The following SRGAP3 variants were observed in gnomAD, a reference collection of about 807,000 sequenced individuals.
SRGAP3 encodes SLIT-ROBO Rho GTPase activating protein 3, also known as SLIT-ROBO Rho GTPase-activating protein 3.
SRGAP3 carries 39 observed loss-of-function variants against 121.1 expected under a neutral mutation model. The observed-to-expected ratio is 0.32, with a 90% CI of 0.25 to 0.42. The LOEUF (loss-of-function observed/expected upper bound fraction) is 0.42, where lower values mean the gene tolerates loss of function less well. Ranked by LOEUF, SRGAP3 falls within the 10% of genes least tolerant of loss-of-function variation. The pLI is 1.00. For missense variants in SRGAP3, 1,213 were observed against 1,470.6 expected (o/e 0.82, Z 2.86); for synonymous variants, 601 against 570.0 (o/e 1.05, Z -0.77).
chr3:9,362,654 T>C (rs75906757), intron 1 of SRGAP3, among the ~76,000 whole-genome samples: 3,441 of 151,986 alleles, frequency 0.023, 127 homozygotes, highest in African/African-American at 0.077. Context: ...AAGTAAACAG[T>C]GCTAAAATAG....
intron 3 of SRGAP3, among the ~76,000 whole-genome samples, chr3:9,100,835 A>G (rs1334296015): frequency 6.6e-6 from 1 of 152,226 alleles, no homozygotes; most frequent in Non-Finnish European, 1.5e-5. Context: ...CTGGTTCTGA[A>G]TAGTAACTTC....
At chr3:9,240,588 A>G (rs1274658899) in intron 1 of SRGAP3, among the ~76,000 whole-genome samples, 1 of 152,164 alleles carries the variant, frequency 6.6e-6, no homozygotes, top group East Asian at 1.9e-4. Flanking sequence ...ATCACCAACT[A>G]GATGGTGGGC....
In SRGAP3 at chr3:8,985,658, G is replaced by A. The variant is rs1002525765; in HGVS notation, c.3161C>T (p.Pro1054Leu). ...CGGCCGCACGGGCCGCATGGGGGGC[G>A]GGCGGAGCTGGGCGCCAGCCAGGCG... ...SARLAGAQLR[P>L]PPMRPVRPVV... The change falls in exon 22 of 22, where the codon CCG becomes CTG. Residue 1054 changes from proline to leucine, a missense_variant. Transcript: ENST00000383836. This position sits in a 1 kb window ranked among gnomAD's most constrained non-coding sequence, Gnocchi z 5.1. 10 of 1,595,842 alleles carry A rather than the reference G, an allele frequency of 6.3e-6. No homozygotes were observed. The highest frequency in any genetic ancestry group is 6.8e-6 in the Non-Finnish European group (8 of 1,178,178).
chr3:9,222,596 T>C (rs894715580), intron 1 of SRGAP3, among the ~76,000 whole-genome samples: 1 of 152,212 alleles, frequency 6.6e-6, no homozygotes, highest in Non-Finnish European at 1.5e-5. Flanking sequence ...TCACCACAGA[T>C]CTCAATTCAA....
At chr3:9,286,640 T>C (rs1393153865) in intron 3 of SRGAP3, among the ~76,000 whole-genome samples, 1 of 152,172 alleles carries the variant, frequency 6.6e-6, no homozygotes, top group Non-Finnish European at 1.5e-5. Flanking sequence ...TCTCGCTCTG[T>C]CGCCCAGGCT....
intron 9 of SRGAP3, among the ~76,000 whole-genome samples, chr3:9,048,020 G>T (rs1404384876): frequency 2.0e-5 from 3 of 152,230 alleles, no homozygotes; most frequent in South Asian, 4.1e-4. Flanking sequence ...ACTGCAGGGG[G>T]TGATAAGATT....
intron 14 of SRGAP3, among the ~76,000 whole-genome samples, chr3:9,016,543 G>C (rs555455209): frequency 6.6e-6 from 1 of 152,278 alleles, no homozygotes; most frequent in East Asian, 1.9e-4. Flanking sequence ...TGCTGGTGAT[G>C]CCAACCTTGA....
At chr3:9,139,444 G>T (rs79227848) in intron 1 of SRGAP3, among the ~76,000 whole-genome samples, 4,685 of 152,336 alleles carry the variant, frequency 0.031, 213 homozygotes, top group African/African-American at 0.11. Context: ...CAGAAGAGGA[G>T]GAGGCAGTGT....
At chr3:9,028,436 T>G (rs1287913374) in intron 12 of SRGAP3, among the ~76,000 whole-genome samples, 1 of 152,148 alleles carries the variant, frequency 6.6e-6, no homozygotes, top group Non-Finnish European at 1.5e-5. Context: ...GCAGCAACTG[T>G]GTGGACTGGA....
At chr3:9,154,159 T>C (rs868592430) in intron 1 of SRGAP3, among the ~76,000 whole-genome samples, 21 of 152,188 alleles carry the variant, frequency 1.4e-4, no homozygotes, top group Admixed American at 5.2e-4. Flanking sequence ...ATTAAAGCCC[T>C]GGCTGACACA....
intron 1 of SRGAP3, among the ~76,000 whole-genome samples, chr3:9,127,626 T>C (rs1949288035): frequency 6.6e-6 from 1 of 152,140 alleles, no homozygotes; most frequent in Non-Finnish European, 1.5e-5. Context: ...TTTTTGTATT[T>C]TTAGTAGAGA....
intron 1 of SRGAP3, among the ~76,000 whole-genome samples, chr3:9,204,776 C>G (rs1372659637): frequency 6.6e-6 from 1 of 152,234 alleles, no homozygotes; most frequent in Non-Finnish European, 1.5e-5. Context: ...CCAGCCCCAG[C>G]CTTCGTAGGA....
chr3:9,098,612 T>C (rs984414863), intron 3 of SRGAP3, among the ~76,000 whole-genome samples: 23 of 152,186 alleles, frequency 1.5e-4, no homozygotes, highest in Non-Finnish European at 3.2e-4. Context: ...GGCTCTGGGA[T>C]TGGACACATC....
chr3:9,243,119 T>G (rs1017930593), intron 1 of SRGAP3, among the ~76,000 whole-genome samples: 4 of 152,102 alleles, frequency 2.6e-5, no homozygotes, highest in Admixed American at 2.0e-4. Flanking sequence ...AAATTTCAAT[T>G]AAGGATTATA....
At chr3:9,235,289 C>T (rs1466165719) in intron 1 of SRGAP3, among the ~76,000 whole-genome samples, 1 of 151,984 alleles carries the variant, frequency 6.6e-6, no homozygotes, top group Non-Finnish European at 1.5e-5. Context: ...ATCTATGATC[C>T]CATTTTTATT....
chr3:9,291,018 G>C (rs1954860094), intron 3 of SRGAP3, among the ~76,000 whole-genome samples: 1 of 152,070 alleles, frequency 6.6e-6, no homozygotes, highest in Non-Finnish European at 1.5e-5. Context: ...AAAAAAGAGA[G>C]GCATTGCCTT....
At chr3:9,013,886 G>A in intron 15 of SRGAP3, 44 bp from the exon 16 acceptor site, 1 of 1,583,474 alleles carries the variant, frequency 6.3e-7, no homozygotes, top group Non-Finnish European at 8.7e-7. Context: ...CATCCTCAGA[G>A]AGCAAAGCAA....
intron 3 of SRGAP3, chr3:9,081,319 C>G: frequency 2.2e-6 from 1 of 456,132 alleles, no homozygotes; most frequent in Admixed American, 2.4e-5. Flanking sequence ...CAATGAGGAA[C>G]AGGAGAAGTA....
Position 9,058,366 on chromosome 3 carries a change from T to C in SRGAP3, c.908A>G (p.Glu303Gly). 1 of 1,614,234 alleles carries C rather than the reference T, an allele frequency of 6.2e-7. No homozygotes were observed. Among genetic ancestry groups the C allele is most frequent in the South Asian group, 1.1e-5 (1 of 91,086 alleles). ...TSRHEGLDVIENAVDNLDSRS... is the reference protein window; with the variant it reads ...TSRHEGLDVIGNAVDNLDSRS... Reference sequence around the variant, plus strand: ...GGAATCCAGGTTGTCCACTGCATTCTCAATGACATCCAGCCCTTCGTGGCG... The same window carrying C: ...GGAATCCAGGTTGTCCACTGCATTCCCAATGACATCCAGCCCTTCGTGGCG... Residue 303 changes from glutamate (E) to glycine (G), a missense_variant, in exon 7 of 22, where the codon GAG becomes GGG. This residue lies in a region of SRGAP3 where 793 missense variants were observed against 1,032.9 expected (regional missense o/e 0.77). Coordinates refer to ENST00000383836, the MANE Select transcript of SRGAP3 (RefSeq NM_014850.4).
Sources: gnomAD v4.1 joint callset for allele counts (sites outside exome capture counted in the v4.1 genomes callset) on GRCh38, gnomAD v4.1.1 for gene constraint, gnomAD v4.1.1 regional missense constraint, Gnocchi (gnomAD v3.1) non-coding constraint, MANE v1.5 for transcripts, NCBI Gene and HGNC (gene_info 2026-07-23, HGNC 2026-07-21) for gene names.